The following CHST11 variants were observed in gnomAD, a reference collection of about 807,000 sequenced individuals.
CHST11 encodes the protein carbohydrate sulfotransferase 11, also known as C4S-1.
A neutral mutation model predicts 30.4 loss-of-function variants in CHST11; 9 were observed. The observed-to-expected ratio is 0.30, with a 90% CI of 0.18 to 0.52. The LOEUF (loss-of-function observed/expected upper bound fraction) is 0.52. CHST11 is among the 20% of genes least tolerant of loss of function. The pLI, the probability that CHST11 is intolerant of heterozygous loss-of-function variation, is 0.97. For synonymous variants in CHST11, 152 were observed against 187.8 expected (o/e 0.81, Z 1.56); for missense variants, 348 against 460.6 (o/e 0.76, Z 2.24).
At chr12:104,534,948 G>A (rs900687801) in intron 1 of CHST11, among the ~76,000 whole-genome samples, 3 of 152,198 alleles carry the variant, frequency 2.0e-5, no homozygotes, top group Non-Finnish European at 4.4e-5. Flanking sequence ...AATTTAAGAT[G>A]TGAATTATAC....
chr12:104,494,435 G>C (rs1006551815), intron 1 of CHST11, among the ~76,000 whole-genome samples: 1 of 152,184 alleles, frequency 6.6e-6, no homozygotes, highest in African/African-American at 2.4e-5. Flanking sequence ...TGAAAAACAG[G>C]GTCTCCACTT....
At chr12:104,670,469 A>ACCC (rs34340804) in intron 2 of CHST11, among the ~76,000 whole-genome samples, 13 of 148,648 alleles carry the variant, frequency 8.7e-5, no homozygotes, top group Admixed American at 2.0e-4. Context: ...ATATGTTCAG[A>ACCC]CCCACACACA....
chr12:104,738,168 C>T (rs2040316650), intron 2 of CHST11, among the ~76,000 whole-genome samples: 1 of 152,120 alleles, frequency 6.6e-6, no homozygotes, highest in Non-Finnish European at 1.5e-5. Flanking sequence ...TCCCAGACCC[C>T]GCGGGCTCAT....
chr12:104,697,301 G>A (rs560359039), intron 2 of CHST11, among the ~76,000 whole-genome samples: 7 of 152,342 alleles, frequency 4.6e-5, no homozygotes, highest in African/African-American at 7.2e-5. Context: ...GTCTGTGAGG[G>A]TGTTTCTGGA....
intron 2 of CHST11, among the ~76,000 whole-genome samples, chr12:104,700,738 C>G (rs968701580): frequency 1.3e-5 from 2 of 152,162 alleles, no homozygotes; most frequent in African/African-American, 4.8e-5. Context: ...GGATATCACC[C>G]AGTATCCCAG....
intron 2 of CHST11, among the ~76,000 whole-genome samples, chr12:104,696,630 C>T (rs1466557254): frequency 6.6e-6 from 1 of 152,030 alleles, no homozygotes; most frequent in Non-Finnish European, 1.5e-5. Context: ...CACGGTACTG[C>T]ACTCCAGCCT....
intron 2 of CHST11, among the ~76,000 whole-genome samples, chr12:104,711,947 G>A (rs2040092141): frequency 6.6e-6 from 1 of 152,140 alleles, no homozygotes; most frequent in African/African-American, 2.4e-5. Context: ...TTTATGGGAG[G>A]GACGGGACAG....
chr12:104,757,787 A>AGTAATT lies in CHST11; in HGVS notation c.1043_1044insGTAATT (p.Tyr348delinsTer). 6.2e-7 allele frequency: 1 copy of AGTAATT among 1,611,278 alleles called. No individual in the cohort carries two copies. Among genetic ancestry groups the AGTAATT allele is most frequent in the Non-Finnish European group, 8.5e-7 (1 of 1,177,616 alleles). ...ATGTTCAATTACTCAGTGCCAAGCT[A>AGTAATT]CCTGAAATTGGAATAAAGGGGGTGG... On this transcript the variant is annotated stop_gained, in exon 3 of 3. Coordinates refer to ENST00000303694, the MANE Select transcript of CHST11 (RefSeq NM_018413.6). LOFTEE classifies it high-confidence loss of function. This position sits in a 1 kb window ranked among gnomAD's most constrained non-coding sequence, Gnocchi z 6.5.
chr12:104,725,367 C>T (rs2040208722), intron 2 of CHST11, among the ~76,000 whole-genome samples: 1 of 152,178 alleles, frequency 6.6e-6, no homozygotes. Flanking sequence ...CCTGGTTCTT[C>T]AGCCCAGCCT....
intron 2 of CHST11, among the ~76,000 whole-genome samples, chr12:104,679,699 G>A (rs1295832364): frequency 6.6e-6 from 1 of 152,180 alleles, no homozygotes; most frequent in African/African-American, 2.4e-5. Flanking sequence ...CCTGCAGAGA[G>A]CAGGCATCTT....
At chr12:104,500,242 A>C (rs1255818234) in intron 1 of CHST11, among the ~76,000 whole-genome samples, 1 of 151,912 alleles carries the variant, frequency 6.6e-6, no homozygotes, top group Non-Finnish European at 1.5e-5. Context: ...CTCTCATTTT[A>C]TTTTCGTAAC....
intron 1 of CHST11, among the ~76,000 whole-genome samples, chr12:104,520,512 C>CA (rs372349114): frequency 4.2e-4 from 63 of 149,124 alleles, no homozygotes; most frequent in East Asian, 2.7e-3. Flanking sequence ...CAAAACAAAA[C>CA]AAAAAAAAAC....
At chr12:104,696,507 A>AAAAAAAAAAG (rs2039948667) in intron 2 of CHST11, among the ~76,000 whole-genome samples, 1 of 138,676 alleles carries the variant, frequency 7.2e-6, no homozygotes, top group Non-Finnish European at 1.6e-5. Flanking sequence ...AAAAAAAAAA[A>AAAAAAAAAAG]CATAGCTGGG....
chr12:104,649,155 G>A (rs908892633), intron 2 of CHST11, among the ~76,000 whole-genome samples: 3 of 152,080 alleles, frequency 2.0e-5, no homozygotes, highest in African/African-American at 7.2e-5. Context: ...TGGGGCTAGG[G>A]GTGGGAAAAT....
intron 2 of CHST11, among the ~76,000 whole-genome samples, chr12:104,616,324 C>G (rs1420081366): frequency 6.6e-6 from 1 of 152,182 alleles, no homozygotes; most frequent in African/African-American, 2.4e-5. Flanking sequence ...TATAAACCCT[C>G]AATGAACAAC....
In CHST11 at chr12:104,642,605, G is replaced by T. The variant is rs143834236; in HGVS notation, c.204+40614G>T. 4.6e-5 allele frequency among the ~76,000 whole-genome samples: 7 copies of T among 152,046 alleles called. No homozygotes were observed. The East Asian group carries it at 9.7e-4, about 21-fold the overall frequency. On this transcript the variant is annotated intron_variant, in intron 2 of 2. Transcript: ENST00000303694. Reference sequence around the variant, plus strand: ...TGTAGAGATGGGATTTCACCATGTTGCCCAGGCTGGCCTAGAACTCCTGGG... The same window carrying T: ...TGTAGAGATGGGATTTCACCATGTTTCCCAGGCTGGCCTAGAACTCCTGGG...
intron 1 of CHST11, among the ~76,000 whole-genome samples, chr12:104,550,527 A>G (rs1420821008): frequency 6.6e-6 from 1 of 152,202 alleles, no homozygotes; most frequent in African/African-American, 2.4e-5. Flanking sequence ...TCCATAGGCA[A>G]TAAGTACACA....
At chr12:104,662,887 C>T (rs2039609622) in intron 2 of CHST11, among the ~76,000 whole-genome samples, 1 of 152,134 alleles carries the variant, frequency 6.6e-6, no homozygotes, top group Non-Finnish European at 1.5e-5. Context: ...TTACTGACCT[C>T]CGTGAAGGAA....
intron 1 of CHST11, among the ~76,000 whole-genome samples, chr12:104,586,129 T>C (rs1650139): frequency 0.54 from 81,485 of 151,976 alleles, 22,644 homozygotes; most frequent in East Asian, 0.85. Flanking sequence ...CTGCAATCCA[T>C]GGTTGCAGGT....
Sources: gnomAD v4.1 joint callset for allele counts (sites outside exome capture counted in the v4.1 genomes callset) on GRCh38, gnomAD v4.1.1 for gene constraint, Gnocchi (gnomAD v3.1) non-coding constraint, MANE v1.5 for transcripts, NCBI Gene and HGNC (gene_info 2026-07-23, HGNC 2026-07-21) for gene names.